Variants in SMOC2 observed in about 807,000 individuals in gnomAD.
SMOC2 encodes SPARC-related modular calcium-binding protein 2.
SMOC2 carries 39 observed loss-of-function variants against 61.4 expected under a neutral mutation model. The observed-to-expected ratio is 0.64, with a 90% CI of 0.49 to 0.83. SMOC2 has a LOEUF of 0.83. Among genes scored for constraint, SMOC2 ranks in the 40% least tolerant of loss-of-function variants. SMOC2 has a pLI of 0.00. For missense variants in SMOC2, 556 were observed against 592.9 expected (o/e 0.94, Z 0.65); for synonymous variants, 247 against 239.9 (o/e 1.03, Z -0.27).
chr6:168,542,852 GAAAAA>G (rs569101304), intron 4 of SMOC2, among the ~76,000 whole-genome samples: 1 of 149,884 alleles, frequency 6.7e-6, no homozygotes, highest in South Asian at 2.1e-4. Flanking sequence ...ATGCAAAATT[GAAAAA>G]AAAAGAAAAC....
At chr6:168,619,190 G>T (rs1241823068) in intron 9 of SMOC2, among the ~76,000 whole-genome samples, 2 of 152,176 alleles carry the variant, frequency 1.3e-5, no homozygotes, top group African/African-American at 4.8e-5. Context: ...TAAAGATAAA[G>T]TGCCATTTAA....
intron 9 of SMOC2, among the ~76,000 whole-genome samples, chr6:168,646,036 C>T (rs899245699): frequency 2.6e-5 from 4 of 152,218 alleles, no homozygotes; most frequent in Admixed American, 6.5e-5. Context: ...CTTTTCTCCT[C>T]ATTTCTCATC....
At chr6:168,527,972 G>T (rs1783495116) in intron 4 of SMOC2, among the ~76,000 whole-genome samples, 1 of 152,244 alleles carries the variant, frequency 6.6e-6, no homozygotes, top group Admixed American at 6.5e-5. Flanking sequence ...CTTACTAAAG[G>T]AAGATAGCCC....
chr6:168,650,416 C>T (rs1288892963), intron 9 of SMOC2, among the ~76,000 whole-genome samples: 1 of 152,242 alleles, frequency 6.6e-6, no homozygotes, highest in South Asian at 2.1e-4. Flanking sequence ...TGCCCACCTC[C>T]GATTGCAGTT....
At chr6:168,508,514 T>C (rs1583065843) in intron 1 of SMOC2, among the ~76,000 whole-genome samples, 1 of 152,340 alleles carries the variant, frequency 6.6e-6, no homozygotes, top group South Asian at 2.1e-4. Context: ...CAATGCTGAT[T>C]AGCTGGGCAA....
chr6:168,479,182 C>T (rs959277302), intron 1 of SMOC2, among the ~76,000 whole-genome samples: 3 of 151,462 alleles, frequency 2.0e-5, no homozygotes, highest in African/African-American at 7.3e-5. Context: ...GAGTCAGTAA[C>T]GTTGAATGAT....
At chr6:168,610,940 C>G (rs57720784) in intron 9 of SMOC2, among the ~76,000 whole-genome samples, 38,674 of 151,452 alleles carry the variant, frequency 0.26, 5,044 homozygotes, top group Non-Finnish European at 0.27. Context: ...TCTTAAACCA[C>G]ACCTTCCTAA....
chr6:168,517,562 G>A (rs1204712033), intron 2 of SMOC2, among the ~76,000 whole-genome samples: 1 of 152,240 alleles, frequency 6.6e-6, no homozygotes, highest in Non-Finnish European at 1.5e-5. Flanking sequence ...CTGAGGCCAG[G>A]CGCTGCCTAA....
chr6:168,627,874 G>A (rs566918983), intron 9 of SMOC2, among the ~76,000 whole-genome samples: 12 of 152,304 alleles, frequency 7.9e-5, no homozygotes, highest in Admixed American at 3.9e-4. Flanking sequence ...CCAGCTAAGC[G>A]GAGGAGAAAG....
chr6:168,536,416 C>A (rs144705461), intron 4 of SMOC2, among the ~76,000 whole-genome samples: 1 of 151,988 alleles, frequency 6.6e-6, no homozygotes, highest in Non-Finnish European at 1.5e-5. Flanking sequence ...CAGGAGCTGG[C>A]GGATAAGGAG....
At chr6:168,563,301 A>G (rs1450827170) in intron 7 of SMOC2, among the ~76,000 whole-genome samples, 1 of 151,842 alleles carries the variant, frequency 6.6e-6, no homozygotes, top group Non-Finnish European at 1.5e-5. Flanking sequence ...GTGTGTGTGT[A>G]TATATATGTG....
At chr6:168,492,862 C>T (rs1374292024) in intron 1 of SMOC2, among the ~76,000 whole-genome samples, 1 of 152,214 alleles carries the variant, frequency 6.6e-6, no homozygotes, top group Non-Finnish European at 1.5e-5. Flanking sequence ...AATGTGCCTT[C>T]TCTTCCTTGT....
At chr6:168,503,065 CTTTTTTTTTTTTTTTTTT>C (rs762736911) in intron 1 of SMOC2, among the ~76,000 whole-genome samples, 1 of 47,804 alleles carries the variant, frequency 2.1e-5, no homozygotes, top group Admixed American at 2.9e-4. Flanking sequence ...CGTGCCTGGC[CTTTTTTTTTTTTTTTTTT>C]TTTTTTTTTT....
intron 1 of SMOC2, among the ~76,000 whole-genome samples, chr6:168,485,326 A>G (rs1053972214): frequency 6.6e-6 from 1 of 152,190 alleles, no homozygotes. Flanking sequence ...TCCTAGGTGT[A>G]TACCAAAAGA....
chr6:168,455,794 G>T (rs755139079), intron 1 of SMOC2, among the ~76,000 whole-genome samples: 2 of 152,188 alleles, frequency 1.3e-5, no homozygotes, highest in Non-Finnish European at 2.9e-5. Flanking sequence ...GAACAACCTA[G>T]CCTCACTTTA....
In SMOC2 at chr6:168,535,966, C is replaced by T. The variant is rs563637177; in HGVS notation, c.464-7659C>T. On this transcript the variant is annotated intron_variant, in intron 4 of 12. Transcript: ENST00000356284. The surrounding 1 kb of genome is among the most constrained non-coding windows in gnomAD (Gnocchi z 4.6). The stretch of plus-strand genomic sequence containing the variant: ...ATAACGCAGCAGCCATGCAGCTTCA[C>T]GGCACAGGGGCCCGGCCGTTCTCTC... 6.6e-6 allele frequency among the ~76,000 whole-genome samples: 1 copy of T among 152,330 alleles called. No homozygotes were observed. The highest frequency in any genetic ancestry group is 2.1e-4 in the South Asian group (1 of 4,822).
At chr6:168,522,192 G>A (rs1020725734) in intron 2 of SMOC2, among the ~76,000 whole-genome samples, 1 of 152,160 alleles carries the variant, frequency 6.6e-6, no homozygotes, top group African/African-American at 2.4e-5. Flanking sequence ...GGTTACAACA[G>A]TGTAACAAAG....
chr6:168,443,747 G>A (rs1352036544), intron 1 of SMOC2, among the ~76,000 whole-genome samples: 2 of 152,074 alleles, frequency 1.3e-5, no homozygotes, highest in Admixed American at 6.5e-5. Context: ...ATTCAAAGAA[G>A]GGCCTTCTCT....
intron 1 of SMOC2, among the ~76,000 whole-genome samples, chr6:168,468,190 C>T (rs1781887099): frequency 6.6e-6 from 1 of 152,304 alleles, no homozygotes; most frequent in African/African-American, 2.4e-5. Context: ...ACAGACCATC[C>T]TGCTGTGCAC....
Sources: allele counts gnomAD v4.1 joint callset (sites outside exome capture counted in the v4.1 genomes callset), GRCh38; gene constraint gnomAD v4.1.1; non-coding constraint Gnocchi (gnomAD v3.1); transcripts MANE v1.5; gene names NCBI Gene and HGNC (gene_info 2026-07-23, HGNC 2026-07-21).